Variants in ATP11C observed in about 807,000 individuals in gnomAD.
ATP11C encodes ATPase phospholipid transporting 11C (ATP11C blood group), also known as phospholipid-transporting ATPase IG.
ATP11C carries 36 observed loss-of-function variants against 97.4 expected under a neutral mutation model. The ratio of observed to expected loss-of-function variants is 0.37; its 90% CI spans 0.28 to 0.49. ATP11C has a LOEUF of 0.49. ATP11C is among the 20% of genes least tolerant of loss of function. The probability of loss-of-function intolerance (pLI) is 0.98; values close to 1 mark genes in which losing one functional copy is unlikely to be tolerated. For missense variants in ATP11C, 730 were observed against 824.6 expected (o/e 0.89, Z 1.40); for synonymous variants, 275 against 290.9 (o/e 0.95, Z 0.56).
chrX:139,782,500 C>T, intron 18 of ATP11C, 47 bp downstream of exon 18: 1 of 999,604 alleles, frequency 1.0e-6, no homozygotes, highest in Non-Finnish European at 1.4e-6. Flanking sequence ...CAGATCACAC[C>T]CAAAACACTG....
At chrX:139,752,800 TCTAATA>T (rs922463759) in intron 23 of ATP11C, among the ~76,000 whole-genome samples, 10 of 112,016 alleles carry the variant, frequency 8.9e-5, no homozygotes, top group African/African-American at 3.2e-4. Flanking sequence ...TACGAAACTC[TCTAATA>T]CTATTAATTT....
intron 1 of ATP11C, among the ~76,000 whole-genome samples, chrX:139,877,123 C>T (rs996905917): frequency 1.8e-5 from 2 of 112,000 alleles, no homozygotes; most frequent in African/African-American, 6.5e-5. Flanking sequence ...GCCTCCACTG[C>T]TGCTATTTCA....
chrX:139,886,068 T>C (rs1023088202), intron 1 of ATP11C, among the ~76,000 whole-genome samples: 2 of 110,936 alleles, frequency 1.8e-5, no homozygotes, highest in Non-Finnish European at 3.8e-5. Flanking sequence ...CAGATACTTA[T>C]AGATGGGAGA....
chrX:139,906,781 C>CA lies in ATP11C; in HGVS notation c.27+25234dup, dbSNP rs11307874. ...TGGGCAACAGAGTGAGACTCTGTCT[C>CA]AAAAAAAAAAACAAAACAAACAACA... On this transcript the variant is annotated intron_variant, in intron 1 of 29. Coordinates refer to ENST00000682941, the MANE Select transcript of ATP11C (RefSeq NM_001353812.2). 5.1e-3 allele frequency among the ~76,000 whole-genome samples: 487 copies of CA among 96,355 alleles called. 2 individuals carry two copies. Among genetic ancestry groups the CA allele is most frequent in the Non-Finnish European group, 8.1e-3 (380 of 47,027 alleles). The allele number at this position is 96,355 out of a possible 115,157, so 83.7% of individuals were successfully genotyped here. A position where few individuals can be genotyped will look rare whatever the true frequency, so the allele number is the denominator to read the frequency against.
intron 1 of ATP11C, among the ~76,000 whole-genome samples, chrX:139,857,450 CCTGA>C (rs2084110222): frequency 9.0e-6 from 1 of 111,529 alleles, no homozygotes; most frequent in Non-Finnish European, 1.9e-5. Flanking sequence ...CCTGCTCCAC[CCTGA>C]CTCATTCCGA....
chrX:139,877,152 C>T (rs1180249018), intron 1 of ATP11C, among the ~76,000 whole-genome samples: 1 of 111,960 alleles, frequency 8.9e-6, no homozygotes, highest in Non-Finnish European at 1.9e-5. Flanking sequence ...TCCTCTGGGG[C>T]CCCTGGTCTG....
At chrX:139,731,347 A>G (rs1020507029) in intron 29 of ATP11C, among the ~76,000 whole-genome samples, 2 of 112,125 alleles carry the variant, frequency 1.8e-5, no homozygotes, top group African/African-American at 6.5e-5. Flanking sequence ...ATTAACAAAC[A>G]TTTTCACATG....
intron 1 of ATP11C, among the ~76,000 whole-genome samples, chrX:139,827,610 G>C (rs1427230583): frequency 1.8e-5 from 2 of 111,459 alleles, no homozygotes; most frequent in Admixed American, 1.9e-4. Flanking sequence ...CAGTCTCCTT[G>C]TATGGTACTA....
At chrX:139,744,459 G>A (rs1389369115) in intron 25 of ATP11C, among the ~76,000 whole-genome samples, 1 of 111,853 alleles carries the variant, frequency 8.9e-6, no homozygotes, top group Non-Finnish European at 1.9e-5. Flanking sequence ...CTGAATTGAT[G>A]CTCTCATGCA....
chrX:139,863,481 C>T (rs954272843), intron 1 of ATP11C, among the ~76,000 whole-genome samples: 19 of 110,796 alleles, frequency 1.7e-4, no homozygotes, highest in Middle Eastern at 4.6e-3. Context: ...TGCAGTGAGC[C>T]GAGACTGGGC....
At chrX:139,923,743 C>T (rs903777016) in intron 1 of ATP11C, among the ~76,000 whole-genome samples, 1 of 111,566 alleles carries the variant, frequency 9.0e-6, no homozygotes, top group African/African-American at 3.3e-5. Context: ...TACTCCCTGT[C>T]GATATGTGGG....
chrX:139,775,818 G>A (rs1219023107), intron 18 of ATP11C, among the ~76,000 whole-genome samples: 1 of 112,721 alleles, frequency 8.9e-6, no homozygotes, highest in East Asian at 2.8e-4. Flanking sequence ...CAAACTTAGA[G>A]GGCAGGAACC....
chrX:139,836,842 T>G (rs1429493455), intron 1 of ATP11C, among the ~76,000 whole-genome samples: 1 of 111,712 alleles, frequency 9.0e-6, no homozygotes, highest in Non-Finnish European at 1.9e-5. Context: ...ACTCCTCTGA[T>G]AAAACAGAAT....
At chrX:139,744,468 C>A (rs1359471958) in intron 25 of ATP11C, among the ~76,000 whole-genome samples, 1 of 111,901 alleles carries the variant, frequency 8.9e-6, no homozygotes, top group African/African-American at 3.2e-5. Context: ...TGCTCTCATG[C>A]ACCACCTGGA....
At chrX:139,931,581 C>T (rs2085434342) in intron 1 of ATP11C, among the ~76,000 whole-genome samples, 1 of 112,663 alleles carries the variant, frequency 8.9e-6, no homozygotes, top group Non-Finnish European at 1.9e-5. Flanking sequence ...CCCAGCTCTT[C>T]TTTTGGGCCA....
chrX:139,836,733 A>T (rs2083756002), intron 1 of ATP11C, among the ~76,000 whole-genome samples: 1 of 111,404 alleles, frequency 9.0e-6, no homozygotes, highest in Admixed American at 9.6e-5. Context: ...TAAGATGCCC[A>T]CTTAAAGCAC....
At chrX:139,846,411 G>C (rs1307689894) in intron 1 of ATP11C, among the ~76,000 whole-genome samples, 2 of 112,137 alleles carry the variant, frequency 1.8e-5, no homozygotes, top group African/African-American at 3.2e-5. Context: ...ATCAAAACTG[G>C]CTTTGTAAAT....
At position 139,932,069 on chromosome X, in the gene ATP11C, C is replaced by T. The variant is rs771426228; in HGVS notation, c.-27G>A. ...GCGTCGAAGGCTGCCGGGCGCTGAG[C>T]TGGGCTCTACCGGGCTGTCTGGGAA... On this transcript the variant is annotated 5_prime_UTR_variant, in exon 1 of 30. Coordinates refer to ENST00000682941, the MANE Select transcript of ATP11C (RefSeq NM_001353812.2). 8.7e-6 allele frequency: 10 copies of T among 1,149,353 alleles called. No homozygotes were observed. The highest frequency in any genetic ancestry group is 5.2e-5 in the Admixed American group (2 of 38,166). The allele number at this position is 1,149,353 out of a possible 1,213,427, so 94.7% of individuals were successfully genotyped here.
intron 2 of ATP11C, among the ~76,000 whole-genome samples, chrX:139,823,166 C>T (rs951758617): frequency 8.1e-5 from 9 of 111,527 alleles, no homozygotes; most frequent in African/African-American, 2.9e-4. Context: ...GCTGAAATCG[C>T]GCGCCACTAC....
Sources: gnomAD v4.1 joint callset for allele counts (sites outside exome capture counted in the v4.1 genomes callset) on GRCh38, gnomAD v4.1.1 for gene constraint, MANE v1.5 for transcripts, NCBI Gene and HGNC (gene_info 2026-07-23, HGNC 2026-07-21) for gene names.